EXOC6B: variants seen among roughly 807,000 people sequenced by gnomAD.
The protein encoded by EXOC6B is SEC15 homolog B.
EXOC6B carries 54 observed loss-of-function variants against 113.5 expected under a neutral mutation model. The observed-to-expected ratio is 0.48, with a 90% CI of 0.38 to 0.60. The LOEUF (loss-of-function observed/expected upper bound fraction) is 0.60, where lower values mean the gene tolerates loss of function less well. Among genes scored for constraint, EXOC6B ranks in the 20% least tolerant of loss-of-function variants. The pLI is 0.00. For synonymous variants in EXOC6B, 357 were observed against 339.0 expected, an observed-to-expected ratio of 1.05 and a Z score of -0.58; for missense variants, 797 against 977.5, an observed-to-expected ratio of 0.82 and a Z score of 2.46.
chr2:72,656,173 T>C (rs183086334), intron 6 of EXOC6B, among the ~76,000 whole-genome samples: 1 of 152,198 alleles, frequency 6.6e-6, no homozygotes, highest in Non-Finnish European at 1.5e-5. Flanking sequence ...AAAGCAATGA[T>C]GGTTATAACA....
intron 5 of EXOC6B, among the ~76,000 whole-genome samples, chr2:72,718,670 C>A (rs1679796303): frequency 6.6e-6 from 1 of 152,096 alleles, no homozygotes; most frequent in Admixed American, 6.6e-5. Context: ...CTAGCCGGGT[C>A]AACACAGTAA....
At chr2:72,574,343 G>A (rs960967602) in intron 7 of EXOC6B, among the ~76,000 whole-genome samples, 3 of 152,254 alleles carry the variant, frequency 2.0e-5, no homozygotes, top group African/African-American at 7.2e-5. Flanking sequence ...AATGAAGATA[G>A]AACAGAAACC....
At chr2:72,823,478 AC>A (rs143899331) in intron 1 of EXOC6B, among the ~76,000 whole-genome samples, 7,441 of 106,576 alleles carry the variant, frequency 0.07, 1,178 homozygotes, top group African/African-American at 0.2. Flanking sequence ...AAAAAAAAAA[AC>A]AAAAAACAAA....
In EXOC6B at chr2:72,825,915, T is replaced by C; in HGVS notation, c.-5A>G. 3.1e-6 allele frequency: 5 copies of C among 1,611,890 alleles called. No homozygotes were observed. The highest frequency in any genetic ancestry group is 4.2e-6 in the Non-Finnish European group (5 of 1,179,398). ...CGCCATCTTACCCCGCTCCATAGACTGGGGGCGCCCCGCAGCGCGTCCCCT... is the reference window on the plus strand; with the variant it reads ...CGCCATCTTACCCCGCTCCATAGACCGGGGGCGCCCCGCAGCGCGTCCCCT... On this transcript the variant is annotated 5_prime_UTR_variant, in exon 1 of 22. Transcript: ENST00000272427. The surrounding 1 kb of genome is among the most constrained non-coding windows in gnomAD (Gnocchi z 4.4).
intron 20 of EXOC6B, among the ~76,000 whole-genome samples, chr2:72,187,168 C>T (rs1678494822): frequency 6.6e-6 from 1 of 152,090 alleles, no homozygotes; most frequent in Non-Finnish European, 1.5e-5. Flanking sequence ...TCCTGGATGG[C>T]ACCAGGGAAT....
intron 6 of EXOC6B, among the ~76,000 whole-genome samples, chr2:72,575,910 C>T (rs1704821615): frequency 6.6e-6 from 1 of 152,082 alleles, no homozygotes. Context: ...CGTATTTTAA[C>T]TCATTTTCCA....
intron 8 of EXOC6B, among the ~76,000 whole-genome samples, chr2:72,517,928 A>T (rs568058797): frequency 6.6e-6 from 1 of 152,320 alleles, no homozygotes; most frequent in East Asian, 1.9e-4. Flanking sequence ...ATAAAAACAA[A>T]AGACAAGACC....
chr2:72,656,731 G>T (rs1674602478), intron 6 of EXOC6B, among the ~76,000 whole-genome samples: 1 of 152,158 alleles, frequency 6.6e-6, no homozygotes, highest in African/African-American at 2.4e-5. Flanking sequence ...GCTCAGAGAT[G>T]ACTACTACTA....
chr2:72,249,819 C>T (rs1306856880), intron 20 of EXOC6B, among the ~76,000 whole-genome samples: 2 of 152,126 alleles, frequency 1.3e-5, no homozygotes, highest in Non-Finnish European at 2.9e-5. Context: ...TAGACATTTA[C>T]CTAATTAATA....
chr2:72,475,873 C>A (rs1175786812), intron 17 of EXOC6B, among the ~76,000 whole-genome samples: 1 of 152,202 alleles, frequency 6.6e-6, no homozygotes. Flanking sequence ...GCCTCAATGG[C>A]AGCAGCATGC....
rs555859302 is a variant in EXOC6B at position 72,692,760 on chromosome 2, T to C, written c.669+25343A>G. ...GATGGTCCTTAGAAGAAAGAGGCAC[T>C]CACTAGGATTTAGTGGCTGACTACA... On this transcript the variant is annotated intron_variant, in intron 6 of 21. Transcript: ENST00000272427. Among the ~76,000 whole-genome samples, 5 of 152,310 alleles carry C rather than the reference T, an allele frequency of 3.3e-5. No homozygotes were observed. In the South Asian group the frequency reaches 1.0e-3, roughly 32 times the overall value.
At chr2:72,194,296 T>C (rs1313219001) in intron 20 of EXOC6B, among the ~76,000 whole-genome samples, 1 of 152,062 alleles carries the variant, frequency 6.6e-6, no homozygotes, top group East Asian at 1.9e-4. Context: ...AGACATCTAG[T>C]AGAGAAGGTA....
intron 1 of EXOC6B, among the ~76,000 whole-genome samples, chr2:72,802,041 G>A (rs1402533130): frequency 6.6e-6 from 1 of 152,058 alleles, no homozygotes; most frequent in African/African-American, 2.4e-5. Flanking sequence ...ATAAGAACTT[G>A]TGGCTGGGCA....
intron 18 of EXOC6B, among the ~76,000 whole-genome samples, chr2:72,433,086 T>C (rs1695641746): frequency 1.3e-5 from 2 of 152,238 alleles, no homozygotes; most frequent in Admixed American, 1.3e-4. Context: ...AACTTTTGTA[T>C]AAGGTGTAAG....
chr2:72,223,963 T>C (rs1421424126), intron 20 of EXOC6B, among the ~76,000 whole-genome samples: 1 of 152,250 alleles, frequency 6.6e-6, no homozygotes, highest in East Asian at 1.9e-4. Flanking sequence ...GTCTTATGTT[T>C]CAAGGCTGTT....
At chr2:72,570,117 G>C (rs939672432) in intron 7 of EXOC6B, among the ~76,000 whole-genome samples, 1 of 152,104 alleles carries the variant, frequency 6.6e-6, no homozygotes, top group African/African-American at 2.4e-5. Flanking sequence ...CATAAGAATG[G>C]GGTTCTAATT....
At chr2:72,434,757 T>G (rs2105310282) in intron 18 of EXOC6B, among the ~76,000 whole-genome samples, 1 of 152,340 alleles carries the variant, frequency 6.6e-6, no homozygotes, top group African/African-American at 2.4e-5. Context: ...TTATATCCCC[T>G]TTATCATTTT....
intron 8 of EXOC6B, among the ~76,000 whole-genome samples, chr2:72,552,140 G>A (rs920862650): frequency 3.3e-5 from 5 of 151,912 alleles, no homozygotes; most frequent in East Asian, 1.9e-4. Flanking sequence ...TGGTACTGGC[G>A]GATATAACAT....
At chr2:72,490,390 C>G (rs757920968) in intron 16 of EXOC6B, among the ~76,000 whole-genome samples, 5 of 152,058 alleles carry the variant, frequency 3.3e-5, no homozygotes, top group Non-Finnish European at 5.9e-5. Context: ...TGTGAGTGAG[C>G]TTTGAAGAAT....
Sources: allele counts gnomAD v4.1 joint callset (sites outside exome capture counted in the v4.1 genomes callset), GRCh38; gene constraint gnomAD v4.1.1; non-coding constraint Gnocchi (gnomAD v3.1); transcripts MANE v1.5; gene names NCBI Gene and HGNC (gene_info 2026-07-23, HGNC 2026-07-21).